The following TBC1D2 variants were observed in gnomAD, a reference collection of about 807,000 sequenced individuals.
TBC1D2 encodes the protein TBC1 domain family member 2A.
A neutral mutation model predicts 91.1 loss-of-function variants in TBC1D2; 58 were observed. That is an observed-to-expected ratio of 0.64 (90% CI 0.52 to 0.79). The LOEUF (loss-of-function observed/expected upper bound fraction) is 0.79. Ranked by LOEUF, TBC1D2 falls within the 30% of genes least tolerant of loss-of-function variation. The pLI is 0.00. For synonymous variants in TBC1D2, 482 were observed against 511.5 expected, an observed-to-expected ratio of 0.94 and a Z score of 0.78; for missense variants, 1,080 against 1,208.3, an observed-to-expected ratio of 0.89 and a Z score of 1.57.
chr9:98,200,238 G>T lies in TBC1D2; in HGVS notation c.2579+15C>A. The stretch of plus-strand genomic sequence containing the variant: ...GTGTGAGTGGTGGGAGTGGCAGGGG[G>T]TGGGGGTTCCTCACCGGCTGTTGGA... On this transcript the variant is annotated intron_variant, in intron 12 of 12. Coordinates refer to ENST00000465784, the MANE Select transcript of TBC1D2 (RefSeq NM_001267571.2). 2 of 1,613,356 alleles carry T rather than the reference G, an allele frequency of 1.2e-6. No individual in the cohort carries two copies. The highest frequency in any genetic ancestry group is 8.5e-7 in the Non-Finnish European group (1 of 1,179,814).
chr9:98,225,866 A>G lies in TBC1D2; in HGVS notation c.978+3086T>C, dbSNP rs1347142643. Among the ~76,000 whole-genome samples, 12 of 152,346 alleles carry G rather than the reference A, an allele frequency of 7.9e-5. No homozygotes were observed. The South Asian group carries it at 8.3e-4, about 11-fold the overall frequency. ...CAGTGTTTGAGATAGAAATTCCTAA[A>G]GAGTCACGAAAGCCACTGGCAATGG... On this transcript the variant is annotated intron_variant, in intron 5 of 12. Coordinates refer to ENST00000465784, the MANE Select transcript of TBC1D2 (RefSeq NM_001267571.2).
chr9:98,233,415 C>T lies in TBC1D2; in HGVS notation c.781+1G>A. ...CAGCTCAGCCCTGGACAGAGGCTCA[C>T]CTGGGGTGCTGGCGTCAGAGGCCAA... is the stretch of plus-strand genomic sequence containing the variant. On this transcript the variant is annotated splice_donor_variant, in intron 4 of 12. Transcript: ENST00000465784. LOFTEE classifies it high-confidence loss of function. The T allele has an allele frequency of 6.2e-7, 1 of 1,613,432 alleles. No homozygotes were observed. Among genetic ancestry groups the T allele is most frequent in the East Asian group, 2.2e-5 (1 of 44,870 alleles).
chr9:98,210,517 C>A, intron 8 of TBC1D2, 139 bp downstream of exon 8: 1 of 823,538 alleles, frequency 1.2e-6, no homozygotes, highest in Non-Finnish European at 1.8e-6. Flanking sequence ...CAGCTGCAGC[C>A]GCACACTAAT....
At chr9:98,203,210 T>C in intron 10 of TBC1D2, 78 bp downstream of exon 10, 1 of 1,567,200 alleles carries the variant, frequency 6.4e-7, no homozygotes, top group South Asian at 1.2e-5. Context: ...CCAACTTTCC[T>C]GAGAGTCACA....
chr9:98,206,329 T>C (rs933638402), intron 9 of TBC1D2, among the ~76,000 whole-genome samples: 1 of 152,190 alleles, frequency 6.6e-6, no homozygotes, highest in Non-Finnish European at 1.5e-5. Flanking sequence ...GCATATCAAA[T>C]TTAAGTAAAA....
intron 1 of TBC1D2, among the ~76,000 whole-genome samples, chr9:98,254,130 C>T (rs1485315546): frequency 1.3e-5 from 2 of 152,170 alleles, no homozygotes; most frequent in African/African-American, 4.8e-5. Context: ...ACGTGGGCAT[C>T]CACAGATACC....
chr9:98,226,408 GC>G (rs755774834), intron 5 of TBC1D2, among the ~76,000 whole-genome samples: 50 of 152,196 alleles, frequency 3.3e-4, no homozygotes, highest in Non-Finnish European at 6.5e-4. Flanking sequence ...AACAACCAGA[GC>G]CTGCATCTGT....
At chr9:98,247,007 G>A (rs79200203) in intron 2 of TBC1D2, among the ~76,000 whole-genome samples, 15,984 of 150,848 alleles carry the variant, frequency 0.11, 1,024 homozygotes, top group Admixed American at 0.15. Flanking sequence ...AGGGTGTTGC[G>A]ACCTGGTTGC....
intron 5 of TBC1D2, among the ~76,000 whole-genome samples, chr9:98,225,474 A>G (rs1431043861): frequency 1.3e-5 from 2 of 152,140 alleles, no homozygotes; most frequent in Admixed American, 6.5e-5. Flanking sequence ...GGGCCTCACC[A>G]TGAGACTATG....
chr9:98,210,696 C>T lies in TBC1D2; in HGVS notation c.1633G>A (p.Gly545Arg), dbSNP rs887288564. 1.2e-6 allele frequency: 2 copies of T among 1,603,442 alleles called. No individual in the cohort carries two copies. The highest frequency in any genetic ancestry group is 1.3e-5 in the African/African-American group (1 of 74,640). The change falls in exon 8 of 13, where the codon GGG (glycine) becomes AGG (arginine). Residue 545 changes from glycine to arginine, a missense_variant. By Grantham distance (125) the Gly-to-Arg change is moderately radical. Coordinates refer to ENST00000465784, the MANE Select transcript of TBC1D2 (RefSeq NM_001267571.2). ...LVQEALQWEA[G>R]EASSDSIELS... ...TCGATGCTGTCAGATGAGGCCTCCC[C>T]AGCTTCCCACTGCAGTGCCTCCTGG...
chr9:98,214,294 A>G (rs543440998), intron 6 of TBC1D2, among the ~76,000 whole-genome samples: 1 of 78,568 alleles, frequency 1.3e-5, no homozygotes, highest in East Asian at 4.1e-4. Flanking sequence ...AGAACATCAC[A>G]TGTGCAAGCG....
chr9:98,203,402 C>T lies in TBC1D2; in HGVS notation c.2157G>A (p.Ala719=), dbSNP rs564134713. 1.7e-5 allele frequency: 28 copies of T among 1,613,992 alleles called. No homozygotes were observed. Among genetic ancestry groups the T allele is most frequent in the Admixed American group, 3.3e-5 (2 of 60,008 alleles). ...CCTCTAGGACCAGCAGGGCAATGGC[C>T]GCCAGCCTGGAGTAGTAGGGAAGGC... ...IGYCQGLNRL[A]AIALLVLEEE... is the part of the protein sequence containing the mutation. Residue 719 remains alanine (A), a synonymous_variant, in exon 10 of 13, where the codon GCG becomes GCA. Transcript: ENST00000465784.
intron 3 of TBC1D2, chr9:98,235,230 G>C (rs1829474851): frequency 3.3e-6 from 1 of 303,416 alleles, no homozygotes; most frequent in South Asian, 3.8e-5. Context: ...TGGGACATAG[G>C]AGGACAACCC....
At position 98,229,217 on chromosome 9, in the gene TBC1D2, T is replaced by G. The variant is rs895921917; in HGVS notation, c.782-69A>C. 2.7e-6 allele frequency: 4 copies of G among 1,470,894 alleles called. No individual in the cohort carries two copies. In the African/African-American group the frequency reaches 5.6e-5, roughly 21 times the overall value. 91.1% of individuals were successfully genotyped at this position (1,470,894 alleles called of 1,614,324 possible). ...GCAGTTCTCAAACCTGAGCTTGCTT[T>G]AGAAGCACCTGGAGGGCTTGTTAAA... On this transcript the variant is annotated intron_variant, in intron 4 of 12. Coordinates refer to ENST00000465784, the MANE Select transcript of TBC1D2 (RefSeq NM_001267571.2).
intron 11 of TBC1D2, among the ~76,000 whole-genome samples, chr9:98,200,981 A>G (rs568401748): frequency 2.0e-5 from 3 of 151,774 alleles, no homozygotes; most frequent in Admixed American, 2.0e-4. Context: ...GTGCCACTGC[A>G]CTACAGCCTT....
At position 98,210,811 on chromosome 9, in the gene TBC1D2, C is replaced by T; in HGVS notation, c.1518G>A (p.Val506=). The change falls in exon 8 of 13, where the codon GTG becomes GTA. Residue 506 remains valine (V), a synonymous_variant. Coordinates refer to ENST00000465784, the MANE Select transcript of TBC1D2 (RefSeq NM_001267571.2). ...TCAGACCGGCCAGGTACTTGCTTTC[C>T]ACCTGGCAGTTTCTGGCTTGGAGGT... ...CAYLQARNCQ[V]ESKYLAGLRR... The T allele has an allele frequency of 6.4e-7, 1 of 1,552,514 alleles. No individual in the cohort carries two copies. The highest frequency in any genetic ancestry group is 8.7e-7 in the Non-Finnish European group (1 of 1,147,418).
rs1185466191 is a variant in TBC1D2 at position 98,208,967 on chromosome 9, C to A, written c.1851G>T (p.Glu617Asp). Residue 617 changes from glutamate (E) to aspartate (D), a missense_variant, in exon 9 of 13, where the codon GAG (glutamate) becomes GAT (aspartate). By Grantham distance (45) the Glu-to-Asp change is conservative. Transcript: ENST00000465784. ...AALGDLVPSA[E>D]LKQLLRAGVP... ...CTCCTGCCCGCAGTAGCTGCTTGAGCTCGGCTGAGGGCACAAGATCGCCCA... is the reference window on the plus strand; with the variant it reads ...CTCCTGCCCGCAGTAGCTGCTTGAGATCGGCTGAGGGCACAAGATCGCCCA... 1 of 1,614,136 alleles carries A rather than the reference C, an allele frequency of 6.2e-7. No individual in the cohort carries two copies. The highest frequency in any genetic ancestry group is 1.3e-5 in the African/African-American group (1 of 75,040).
At chr9:98,218,928 G>A (rs1033646688) in intron 6 of TBC1D2, among the ~76,000 whole-genome samples, 5 of 152,222 alleles carry the variant, frequency 3.3e-5, no homozygotes, top group African/African-American at 1.2e-4. Context: ...AGAGGAAGCC[G>A]CCTGGCTGGG....
intron 5 of TBC1D2, among the ~76,000 whole-genome samples, chr9:98,223,605 A>C (rs1296362412): frequency 6.6e-6 from 1 of 151,552 alleles, no homozygotes. Flanking sequence ...TTGCCCTAGG[A>C]GCAGGACCAG....
Sources: allele counts gnomAD v4.1 joint callset (sites outside exome capture counted in the v4.1 genomes callset), GRCh38; gene constraint gnomAD v4.1.1; transcripts MANE v1.5; gene names NCBI Gene and HGNC (gene_info 2026-07-23, HGNC 2026-07-21).